The following PRKAR2A variants were observed in gnomAD, a reference collection of about 807,000 sequenced individuals.
PRKAR2A encodes the protein cAMP-dependent protein kinase type II-alpha regulatory subunit.
PRKAR2A carries 29 observed loss-of-function variants against 51.9 expected under a neutral mutation model. The ratio of observed to expected loss-of-function variants is 0.56; its 90% CI spans 0.42 to 0.76. The LOEUF (loss-of-function observed/expected upper bound fraction) is 0.76. Ranked by LOEUF, PRKAR2A falls within the 30% of genes least tolerant of loss-of-function variation. The pLI, the probability that PRKAR2A is intolerant of heterozygous loss-of-function variation, is 0.00. For synonymous variants in PRKAR2A, 178 were observed against 186.2 expected (o/e 0.96, Z 0.36); for missense variants, 445 against 512.1 (o/e 0.87, Z 1.26).
intron 1 of PRKAR2A, among the ~76,000 whole-genome samples, chr3:48,825,413 C>G (rs1275716461): frequency 6.6e-6 from 1 of 152,174 alleles, no homozygotes; most frequent in Non-Finnish European, 1.5e-5. Flanking sequence ...ACTAAGGACT[C>G]TTAAGGAGTA....
At chr3:48,830,365 A>G (rs1369687475) in intron 1 of PRKAR2A, among the ~76,000 whole-genome samples, 1 of 152,158 alleles carries the variant, frequency 6.6e-6, no homozygotes, top group Non-Finnish European at 1.5e-5. Context: ...ACACACATGG[A>G]ACTGTGAGCT....
rs940702956 is a variant in PRKAR2A, at chr3:48,751,258, G to A, written c.*327C>T. ...AGAGTAGCAGCAAGAGAGGAAAGGA[G>A]CATGTTTATACTTTGGACTTTGTAT... On this transcript the variant is annotated 3_prime_UTR_variant, in exon 11 of 11. Coordinates refer to ENST00000265563, the MANE Select transcript of PRKAR2A (RefSeq NM_004157.4). 6.0e-6 allele frequency: 3 copies of A among 499,422 alleles called. No homozygotes were observed. Among genetic ancestry groups the A allele is most frequent in the Non-Finnish European group, 7.8e-6 (2 of 255,566 alleles). 30.9% of individuals were successfully genotyped at this position (499,422 alleles called of 1,614,324 possible).
In PRKAR2A at chr3:48,832,218, C is replaced by T. The variant is rs535657663; in HGVS notation, c.262+15117G>A. The stretch of plus-strand genomic sequence containing the variant: ...CTGAGGCACGAGAATCGCTTGAACC[C>T]GGGAGGTGGAGGTTGCAGCGAGCCG... On this transcript the variant is annotated intron_variant, in intron 1 of 10. Coordinates refer to ENST00000265563, the MANE Select transcript of PRKAR2A (RefSeq NM_004157.4). Among the ~76,000 whole-genome samples, 436 of 147,738 alleles carry T rather than the reference C, an allele frequency of 3.0e-3. 3 individuals carry two copies. Among genetic ancestry groups the T allele is most frequent in the African/African-American group, 9.8e-3 (392 of 40,188 alleles).
At chr3:48,776,523 T>C (rs1357367061) in intron 5 of PRKAR2A, among the ~76,000 whole-genome samples, 2 of 152,058 alleles carry the variant, frequency 1.3e-5, no homozygotes, top group Non-Finnish European at 2.9e-5. Context: ...CACGCCTGTG[T>C]ATGTGTGTAT....
chr3:48,841,048 A>C (rs1291036342), intron 1 of PRKAR2A, among the ~76,000 whole-genome samples: 1 of 139,534 alleles, frequency 7.2e-6, no homozygotes, highest in African/African-American at 2.7e-5. Flanking sequence ...CACCCAGCTA[A>C]TTTTTTTTTT....
chr3:48,808,305 G>A (rs1575911274), intron 1 of PRKAR2A, among the ~76,000 whole-genome samples: 1 of 149,826 alleles, frequency 6.7e-6, no homozygotes, highest in Non-Finnish European at 1.5e-5. Context: ...CCAGGCTGGA[G>A]TGCAGTGGTG....
downstream of PRKAR2A, among the ~76,000 whole-genome samples, chr3:48,745,972 C>T (rs1013695336): frequency 1.3e-5 from 2 of 152,152 alleles, no homozygotes; most frequent in Non-Finnish European, 2.9e-5. Flanking sequence ...AGACAGAATG[C>T]CCACCTTTGA....
Position 48,750,095 on chromosome 3 carries a change from G to A in PRKAR2A, c.*1490C>T, listed in dbSNP as rs1421322140. The A allele has an allele frequency of 6.6e-6, 1 of 151,824 alleles. No individual in the cohort carries two copies. Among genetic ancestry groups the A allele is most frequent in the Admixed American group, 6.6e-5 (1 of 15,252 alleles). The allele number at this position is 151,824 out of a possible 1,614,324, so 9.4% of individuals were successfully genotyped here. On this transcript the variant is annotated 3_prime_UTR_variant, in exon 11 of 11. Coordinates refer to ENST00000265563, the MANE Select transcript of PRKAR2A (RefSeq NM_004157.4). ...AAATTTTTTTTTTGCCAGGTGCAGT[G>A]GCTCACATCTGTAATCCCAGCACTC...
At chr3:48,763,381 C>T (rs1333874391) in intron 8 of PRKAR2A, among the ~76,000 whole-genome samples, 1 of 152,114 alleles carries the variant, frequency 6.6e-6, no homozygotes, top group East Asian at 1.9e-4. Context: ...ATAGATAGCA[C>T]TCTATCTTCA....
At chr3:48,752,130 T>C (rs924817157) in intron 10 of PRKAR2A, 46 bp downstream of exon 10, 5 of 1,590,352 alleles carry the variant, frequency 3.1e-6, no homozygotes, top group African/African-American at 2.7e-5. Context: ...GAAAAAAATA[T>C]TACATGTTAG....
In PRKAR2A at chr3:48,750,209, C is replaced by T. The variant is rs1413861051; in HGVS notation, c.*1376G>A. ...AGAAACCCTGTCTCTATTAAAAATACAAAATTCGCCCGGCATGGTGGCGCA... is the reference window on the plus strand; with the variant it reads ...AGAAACCCTGTCTCTATTAAAAATATAAAATTCGCCCGGCATGGTGGCGCA... On this transcript the variant is annotated 3_prime_UTR_variant, in exon 11 of 11. Transcript: ENST00000265563. 6.6e-6 allele frequency: 1 copy of T among 152,010 alleles called. No individual in the cohort carries two copies. Among genetic ancestry groups the T allele is most frequent in the East Asian group, 1.9e-4 (1 of 5,184 alleles). The allele number at this position is 152,010 out of a possible 1,614,324, so 9.4% of individuals were successfully genotyped here.
chr3:48,778,551 A>G (rs1402061622), intron 5 of PRKAR2A, among the ~76,000 whole-genome samples: 1 of 152,036 alleles, frequency 6.6e-6, no homozygotes, highest in African/African-American at 2.4e-5. Context: ...ATGGAGTCCC[A>G]TTCTGTCACC....
intron 4 of PRKAR2A, among the ~76,000 whole-genome samples, chr3:48,784,001 A>T (rs1329962416): frequency 1.3e-5 from 2 of 152,232 alleles, no homozygotes; most frequent in Non-Finnish European, 2.9e-5. Flanking sequence ...AATAAATGAG[A>T]TATATTATAA....
intron 1 of PRKAR2A, among the ~76,000 whole-genome samples, chr3:48,843,138 C>T (rs2083405919): frequency 6.6e-6 from 1 of 152,152 alleles, no homozygotes; most frequent in Non-Finnish European, 1.5e-5. Flanking sequence ...CCAGTTTAGT[C>T]TTGGGAGAGT....
chr3:48,758,127 G>A (rs1034270756), intron 8 of PRKAR2A, among the ~76,000 whole-genome samples: 1 of 151,864 alleles, frequency 6.6e-6, no homozygotes, highest in African/African-American at 2.4e-5. Flanking sequence ...GAGTGGTGGT[G>A]CACAACTGTA....
intron 5 of PRKAR2A, among the ~76,000 whole-genome samples, chr3:48,781,781 G>A (rs775854614): frequency 6.6e-6 from 1 of 152,094 alleles, no homozygotes; most frequent in Non-Finnish European, 1.5e-5. Flanking sequence ...AAAGTGCTGG[G>A]ATTACAGGCA....
chr3:48,769,349 G>A (rs188127268), intron 6 of PRKAR2A, among the ~76,000 whole-genome samples: 5 of 151,706 alleles, frequency 3.3e-5, no homozygotes, highest in Admixed American at 2.0e-4. Flanking sequence ...AGTAGAGACG[G>A]GGTTTCACCG....
intron 4 of PRKAR2A, among the ~76,000 whole-genome samples, chr3:48,786,318 T>C (rs1379670027): frequency 2.7e-5 from 4 of 149,216 alleles, no homozygotes; most frequent in African/African-American, 9.8e-5. Context: ...AGAGAGGAGG[T>C]TTCACCATGT....
intron 5 of PRKAR2A, among the ~76,000 whole-genome samples, 154 bp downstream of exon 5, chr3:48,782,832 G>GA (rs2082222824): frequency 6.6e-6 from 1 of 152,202 alleles, no homozygotes; most frequent in African/African-American, 2.4e-5. Flanking sequence ...CACTGGTAGA[G>GA]AGGGACAAGC....
Sources: allele counts gnomAD v4.1 joint callset (sites outside exome capture counted in the v4.1 genomes callset), GRCh38; gene constraint gnomAD v4.1.1; transcripts MANE v1.5; gene names NCBI Gene and HGNC (gene_info 2026-07-23, HGNC 2026-07-21).